The following TYR variants were observed in gnomAD, a reference collection of about 807,000 sequenced individuals.
TYR encodes the protein tyrosinase.
TYR carries 58 observed loss-of-function variants against 51.5 expected under a neutral mutation model. The ratio of observed to expected loss-of-function variants is 1.13; its 90% CI spans 0.91 to 1.40. TYR has a LOEUF of 1.40. TYR is among the 40% of genes most tolerant of loss of function. The pLI is 0.00. For synonymous variants in TYR, 263 were observed against 235.2 expected (o/e 1.12, Z -1.08); for missense variants, 732 against 647.4 (o/e 1.13, Z -1.42).
At chr11:89,279,822 C>A (rs1037280412) in intron 3 of TYR, among the ~76,000 whole-genome samples, 2 of 151,682 alleles carry the variant, frequency 1.3e-5, no homozygotes, top group Admixed American at 1.3e-4. Flanking sequence ...TTTTATACTG[C>A]ACTCTTTGAA....
At position 89,280,119 on chromosome 11, in the gene TYR, C is replaced by T. The variant is rs533832007; in HGVS notation, c.1185-4654C>T. Among the ~76,000 whole-genome samples, 7 of 151,582 alleles carry T rather than the reference C, an allele frequency of 4.6e-5. No individual in the cohort carries two copies. In the East Asian group the frequency reaches 1.2e-3, roughly 25 times the overall value. ...TATCTCTAACATTGTGGGTGGTTGT[C>T]GTTTCTTTGAACATATCCTTAGTTT... is the stretch of plus-strand genomic sequence containing the variant. On this transcript the variant is annotated intron_variant, in intron 3 of 4. Transcript: ENST00000263321.
At chr11:89,271,402 T>C (rs1944587169) in intron 3 of TYR, among the ~76,000 whole-genome samples, 1 of 151,950 alleles carries the variant, frequency 6.6e-6, no homozygotes, top group Non-Finnish European at 1.5e-5. Context: ...ATATTTACAC[T>C]ATATTGTAGT....
intron 3 of TYR, among the ~76,000 whole-genome samples, chr11:89,273,021 T>C (rs1944608919): frequency 6.6e-6 from 1 of 151,946 alleles, no homozygotes; most frequent in South Asian, 2.1e-4. Context: ...ACTTTCTTCA[T>C]ATCGGCAATA....
chr11:89,199,452 C>A (rs1943568762), intron 2 of TYR, among the ~76,000 whole-genome samples: 1 of 152,086 alleles, frequency 6.6e-6, no homozygotes, highest in Non-Finnish European at 1.5e-5. Flanking sequence ...TATCTTATGG[C>A]AAGTACTGTC....
intron 1 of TYR, among the ~76,000 whole-genome samples, chr11:89,181,242 T>G (rs1211108713): frequency 3.9e-5 from 6 of 152,110 alleles, no homozygotes; most frequent in Admixed American, 2.0e-4. Context: ...TCTTGAACTC[T>G]TGACCTCAAG....
At chr11:89,192,009 T>A in intron 2 of TYR, 1 of 454,140 alleles carries the variant, frequency 2.2e-6, no homozygotes, top group Non-Finnish European at 4.4e-6. Flanking sequence ...GTTTAAAATA[T>A]TCTAGGCAGT....
At chr11:89,294,680 C>T (rs190575568) in intron 4 of TYR, among the ~76,000 whole-genome samples, 1 of 152,296 alleles carries the variant, frequency 6.6e-6, no homozygotes, top group Admixed American at 6.5e-5. Flanking sequence ...TTCAAATGCC[C>T]TAGGGTTCTT....
chr11:89,234,190 A>G (rs1297465665), intron 3 of TYR, among the ~76,000 whole-genome samples: 1 of 143,288 alleles, frequency 7.0e-6, no homozygotes, highest in Non-Finnish European at 1.5e-5. Context: ...CTCTTTCCTT[A>G]AATCTTGTAA....
At chr11:89,281,396 A>G (rs1325850257) in intron 3 of TYR, among the ~76,000 whole-genome samples, 1 of 151,660 alleles carries the variant, frequency 6.6e-6, no homozygotes, top group Non-Finnish European at 1.5e-5. Flanking sequence ...TATCTTTCTG[A>G]GGTCTTCACC....
intron 3 of TYR, among the ~76,000 whole-genome samples, chr11:89,274,410 A>C (rs942610857): frequency 6.6e-6 from 1 of 151,840 alleles, no homozygotes; most frequent in African/African-American, 2.4e-5. Flanking sequence ...AATAGCAAAT[A>C]CTTAAAATGT....
chr11:89,235,973 T>G, intron 3 of TYR, among the ~76,000 whole-genome samples: 1 of 152,210 alleles, frequency 6.6e-6, no homozygotes. Context: ...CAATTAAAAA[T>G]AAAATTTTTA....
At chr11:89,274,609 G>A (rs1025337181) in intron 3 of TYR, among the ~76,000 whole-genome samples, 1 of 151,788 alleles carries the variant, frequency 6.6e-6, no homozygotes, top group Non-Finnish European at 1.5e-5. Flanking sequence ...TGAATAAACT[G>A]AGACTTCCAG....
intron 3 of TYR, among the ~76,000 whole-genome samples, chr11:89,238,098 T>C (rs1237757564): frequency 1.3e-5 from 2 of 152,072 alleles, no homozygotes; most frequent in African/African-American, 2.4e-5. Flanking sequence ...AGACTTCAGA[T>C]TGCTGGGATT....
chr11:89,201,947 T>C (rs979752227), intron 2 of TYR, among the ~76,000 whole-genome samples: 2 of 152,098 alleles, frequency 1.3e-5, no homozygotes, highest in African/African-American at 4.8e-5. Context: ...TAAAGGCACA[T>C]TTGCGAAATC....
intron 2 of TYR, among the ~76,000 whole-genome samples, chr11:89,198,751 T>C (rs1254119921): frequency 7.8e-6 from 1 of 128,566 alleles, no homozygotes; most frequent in African/African-American, 4.1e-5. Context: ...GTAACTTTTT[T>C]CTCATATATA....
chr11:89,257,071 G>A (rs1229607555), intron 3 of TYR, among the ~76,000 whole-genome samples: 1 of 151,828 alleles, frequency 6.6e-6, no homozygotes, highest in Non-Finnish European at 1.5e-5. Flanking sequence ...CTCTTCCTAG[G>A]GTCAAGAACA....
intron 3 of TYR, among the ~76,000 whole-genome samples, chr11:89,283,256 G>C (rs921952073): frequency 1.3e-5 from 2 of 151,816 alleles, no homozygotes; most frequent in African/African-American, 4.8e-5. Context: ...ACCACAAGTA[G>C]TGTGTTCAAG....
intron 2 of TYR, among the ~76,000 whole-genome samples, chr11:89,204,168 C>G (rs1374324371): frequency 1.3e-5 from 2 of 152,152 alleles, no homozygotes; most frequent in Non-Finnish European, 1.5e-5. Flanking sequence ...GTTAGGTCTT[C>G]TAGCACTGTC....
At chr11:89,224,302 C>G (rs886152073) in intron 2 of TYR, among the ~76,000 whole-genome samples, 1 of 152,086 alleles carries the variant, frequency 6.6e-6, no homozygotes, top group Non-Finnish European at 1.5e-5. Flanking sequence ...GCTTTTATAC[C>G]TGCTATCAAA....
Sources: gnomAD v4.1 joint callset for allele counts (sites outside exome capture counted in the v4.1 genomes callset) on GRCh38, gnomAD v4.1.1 for gene constraint, MANE v1.5 for transcripts, NCBI Gene and HGNC (gene_info 2026-07-23, HGNC 2026-07-21) for gene names.